Variants in PRDM5 observed in about 807,000 individuals in gnomAD.
The protein encoded by PRDM5 is PR domain zinc finger protein 5.
In PRDM5, 56 loss-of-function variants were observed where a neutral mutation model predicts 81.2. That is an observed-to-expected ratio of 0.69 (90% CI 0.56 to 0.86). The LOEUF is 0.86. PRDM5 is among the 40% of genes least tolerant of loss of function. The probability of loss-of-function intolerance (pLI) is 0.00; values close to 1 mark genes in which losing one functional copy is unlikely to be tolerated. For missense variants in PRDM5, 697 were observed against 770.1 expected, an observed-to-expected ratio of 0.91 and a Z score of 1.12; for synonymous variants, 267 against 256.4, an observed-to-expected ratio of 1.04 and a Z score of -0.39.
In PRDM5 at chr4:120,858,048, C is replaced by A. The variant is rs190674502; in HGVS notation, c.178-4508G>T. On this transcript the variant is annotated intron_variant, in intron 2 of 15. Coordinates refer to ENST00000264808, the MANE Select transcript of PRDM5 (RefSeq NM_018699.4). ...AATGTATGGTAAAATGTAATGGCAGCAAATACAGTCAGTTCCAAAAAAGAC... is the reference window on the plus strand; with the variant it reads ...AATGTATGGTAAAATGTAATGGCAGAAAATACAGTCAGTTCCAAAAAAGAC... Among the ~76,000 whole-genome samples the A allele has an allele frequency of 1.4e-3, 216 of 152,136 alleles. 1 individual carries two copies. The highest frequency in any genetic ancestry group is 1.9e-3 in the Non-Finnish European group (131 of 68,012).
intron 13 of PRDM5, among the ~76,000 whole-genome samples, chr4:120,765,410 A>T (rs554908547): frequency 1.3e-5 from 2 of 152,350 alleles, no homozygotes; most frequent in African/African-American, 4.8e-5. Flanking sequence ...TCCATAATTT[A>T]TGAACAACTG....
rs1267917713 is a variant in PRDM5, at chr4:120,845,921, G to C, written c.300+7497C>G. Among the ~76,000 whole-genome samples the C allele has an allele frequency of 5.9e-5, 9 of 152,324 alleles. 1 individual carries two copies. The highest frequency in any genetic ancestry group is 1.9e-4 in the African/African-American group (8 of 41,570). On this transcript the variant is annotated intron_variant, in intron 3 of 15. Coordinates refer to ENST00000264808, the MANE Select transcript of PRDM5 (RefSeq NM_018699.4). ...AATTCCAACCCTCATGGATGACTTT[G>C]AGGTGTTCAAAACTTCAGGAGAAGT...
chr4:120,901,500 G>A (rs1043323671), intron 2 of PRDM5, among the ~76,000 whole-genome samples: 2 of 152,194 alleles, frequency 1.3e-5, no homozygotes, highest in South Asian at 2.1e-4. Flanking sequence ...AAGTCAGGCT[G>A]CTGCAGGTGA....
At chr4:120,835,132 T>C (rs1168877954) in intron 3 of PRDM5, among the ~76,000 whole-genome samples, 1 of 152,190 alleles carries the variant, frequency 6.6e-6, no homozygotes, top group African/African-American at 2.4e-5. Context: ...GTGAAGCAAT[T>C]AGGACTAAGT....
intron 15 of PRDM5, among the ~76,000 whole-genome samples, chr4:120,709,515 A>T (rs1036668855): frequency 6.6e-5 from 10 of 152,296 alleles, no homozygotes; most frequent in Non-Finnish European, 1.3e-4. Flanking sequence ...TTTCATATGG[A>T]CTGCTTACCC....
intron 14 of PRDM5, among the ~76,000 whole-genome samples, chr4:120,751,180 A>G (rs928193341): frequency 7.2e-5 from 11 of 152,260 alleles, no homozygotes; most frequent in Admixed American, 7.2e-4. Context: ...AAGTGCTGGA[A>G]ATACAGGAAT....
chr4:120,906,501 T>C (rs1765811232), intron 2 of PRDM5, among the ~76,000 whole-genome samples: 1 of 152,250 alleles, frequency 6.6e-6, no homozygotes, highest in Non-Finnish European at 1.5e-5. Flanking sequence ...CATGCATATA[T>C]AATTCCTAGG....
At chr4:120,774,908 G>A (rs4001082) in intron 13 of PRDM5, among the ~76,000 whole-genome samples, 107 of 62,984 alleles carry the variant, frequency 1.7e-3, no homozygotes, top group African/African-American at 6.2e-3. Flanking sequence ...ATATATATAT[G>A]TATATGTATA....
chr4:120,795,374 G>A (rs538414893), intron 10 of PRDM5, among the ~76,000 whole-genome samples: 34 of 151,994 alleles, frequency 2.2e-4, no homozygotes, highest in Non-Finnish European at 4.0e-4. Context: ...GTAATTGAAC[G>A]GTTTCTGTCT....
At position 120,824,345 on chromosome 4, in the gene PRDM5, T is replaced by C. The variant is rs548995614; in HGVS notation, c.301-3000A>G. On this transcript the variant is annotated intron_variant, in intron 3 of 15. Transcript: ENST00000264808. ...TCATTTCTGGTCTTAGGTTATTCCC[T>C]TGAGCACAGTCCCTCCTGGACGCCT... Among the ~76,000 whole-genome samples the C allele has an allele frequency of 2.6e-5, 4 of 152,328 alleles. No homozygotes were observed. In the East Asian group the frequency reaches 7.7e-4, roughly 29 times the overall value.
intron 13 of PRDM5, among the ~76,000 whole-genome samples, chr4:120,766,870 ACATTCT>A (rs1746462875): frequency 6.6e-6 from 1 of 152,232 alleles, no homozygotes; most frequent in African/African-American, 2.4e-5. Flanking sequence ...CACACTTGCC[ACATTCT>A]CATTCTAATT....
chr4:120,839,887 G>T (rs2149389386), intron 3 of PRDM5, among the ~76,000 whole-genome samples: 1 of 152,348 alleles, frequency 6.6e-6, no homozygotes, highest in East Asian at 1.9e-4. Context: ...AGGCAGCGGG[G>T]AGCTGAGGCA....
At chr4:120,780,880 T>G (rs1748939296) in intron 12 of PRDM5, among the ~76,000 whole-genome samples, 1 of 152,150 alleles carries the variant, frequency 6.6e-6, no homozygotes, top group East Asian at 1.9e-4. Flanking sequence ...CATTGAGTAC[T>G]TTTTAGAAGC....
intron 14 of PRDM5, among the ~76,000 whole-genome samples, chr4:120,717,128 T>G (rs971847512): frequency 1.3e-5 from 2 of 152,026 alleles, no homozygotes; most frequent in South Asian, 4.1e-4. Flanking sequence ...GTATAAATTA[T>G]ACACTTTAAC....
At chr4:120,769,667 A>C (rs1341724885) in intron 13 of PRDM5, among the ~76,000 whole-genome samples, 1 of 152,190 alleles carries the variant, frequency 6.6e-6, no homozygotes, top group Admixed American at 6.5e-5. Flanking sequence ...ATTTCAAAGA[A>C]AATGTCTGAA....
intron 2 of PRDM5, among the ~76,000 whole-genome samples, chr4:120,871,193 T>C (rs1761751342): frequency 6.6e-6 from 1 of 152,164 alleles, no homozygotes; most frequent in East Asian, 1.9e-4. Flanking sequence ...CCACATAATG[T>C]TTTGTTGTTG....
chr4:120,709,215 C>T (rs1417079070), intron 15 of PRDM5, among the ~76,000 whole-genome samples: 1 of 152,136 alleles, frequency 6.6e-6, no homozygotes, highest in African/African-American at 2.4e-5. Flanking sequence ...ACTTGTGTCA[C>T]AGTACAATTA....
chr4:120,887,015 G>T lies in PRDM5; in HGVS notation c.177+20459C>A, dbSNP rs1447050980. 2.0e-5 allele frequency among the ~76,000 whole-genome samples: 3 copies of T among 151,110 alleles called. No homozygotes were observed. The East Asian group carries it at 5.9e-4, about 30-fold the overall frequency. ...AGCTGGAGTGCAGTGGCCTGATCTC[G>T]GCTCACTGCAACCTCCACTTCCTGG... On this transcript the variant is annotated intron_variant, in intron 2 of 15. Transcript: ENST00000264808.
At chr4:120,717,820 C>T (rs1233130230) in intron 14 of PRDM5, among the ~76,000 whole-genome samples, 3 of 152,190 alleles carry the variant, frequency 2.0e-5, no homozygotes, top group East Asian at 3.8e-4. Flanking sequence ...CTATGGTTTA[C>T]ATTAGACCAC....
Sources: gnomAD v4.1 joint callset for allele counts (sites outside exome capture counted in the v4.1 genomes callset) on GRCh38, gnomAD v4.1.1 for gene constraint, MANE v1.5 for transcripts, NCBI Gene and HGNC (gene_info 2026-07-23, HGNC 2026-07-21) for gene names.